The following TGM4 variants were observed in gnomAD, a reference collection of about 807,000 sequenced individuals.
TGM4 encodes protein-glutamine gamma-glutamyltransferase 4.
Under a neutral mutation model 76.3 loss-of-function variants are expected in TGM4, and 61 were observed. The observed-to-expected ratio is 0.80, with a 90% CI of 0.65 to 0.99. The LOEUF (loss-of-function observed/expected upper bound fraction) is 0.99. Ranked by LOEUF, TGM4 falls within the 50% of genes least tolerant of loss-of-function variation. TGM4 has a pLI of 0.00. For missense variants in TGM4, 794 were observed against 843.2 expected, an observed-to-expected ratio of 0.94 and a Z score of 0.72; for synonymous variants, 337 against 329.8, an observed-to-expected ratio of 1.02 and a Z score of -0.24.
chr3:44,898,559 G>T (rs567762950), intron 6 of TGM4, among the ~76,000 whole-genome samples: 3 of 152,334 alleles, frequency 2.0e-5, no homozygotes, highest in African/African-American at 7.2e-5. Context: ...ACTCTCCAAA[G>T]GTCCACTGAG....
At chr3:44,907,820 T>TGG (rs1699945622) in intron 10 of TGM4, among the ~76,000 whole-genome samples, 1 of 152,198 alleles carries the variant, frequency 6.6e-6, no homozygotes, top group South Asian at 2.1e-4. Context: ...CTGACAGATT[T>TGG]GTATTTCCCC....
chr3:44,897,263 C>T (rs988674690), intron 6 of TGM4, among the ~76,000 whole-genome samples: 1 of 152,052 alleles, frequency 6.6e-6, no homozygotes, highest in African/African-American at 2.4e-5. Context: ...CTCGGACTCC[C>T]AAAGTGCTGG....
rs1482264523 is a variant in TGM4, at chr3:44,885,305, A to C, written c.20-20A>C. 1 of 1,590,728 alleles carries C rather than the reference A, an allele frequency of 6.3e-7. No homozygotes were observed. The highest frequency in any genetic ancestry group is 1.7e-5 in the Admixed American group (1 of 59,036). On this transcript the variant is annotated intron_variant, in intron 1 of 13. Coordinates refer to ENST00000296125, the MANE Select transcript of TGM4 (RefSeq NM_003241.4). ...AACATTCTCTGTGCTCTCTTTCCAC[A>C]TGTGCTGCGTTGCTGACAGAGCTGC...
At chr3:44,874,843 C>A in intron 1 of TGM4, 146 bp downstream of exon 1, 1 of 873,910 alleles carries the variant, frequency 1.1e-6, no homozygotes, top group Non-Finnish European at 1.7e-6. Flanking sequence ...CTGTCTCATC[C>A]CTTTTTAGAA....
intron 1 of TGM4, among the ~76,000 whole-genome samples, chr3:44,883,320 G>A (rs914524625): frequency 9.9e-5 from 15 of 152,092 alleles, no homozygotes; most frequent in Admixed American, 2.6e-4. Context: ...AGGTGATAAG[G>A]GCTTCTTCCC....
intron 9 of TGM4, 35 bp from the exon 10 acceptor site, chr3:44,906,914 C>G: frequency 6.2e-7 from 1 of 1,603,660 alleles, no homozygotes; most frequent in East Asian, 2.2e-5. Context: ...GCTGGGGAAC[C>G]CCACTGAGAG....
chr3:44,874,950 T>C (rs1699431279), intron 1 of TGM4, among the ~76,000 whole-genome samples: 1 of 152,264 alleles, frequency 6.6e-6, no homozygotes, highest in Non-Finnish European at 1.5e-5. Flanking sequence ...CCAGATTCCC[T>C]AAATTATTAC....
chr3:44,889,042 G>A (rs1190166566), intron 3 of TGM4: 2 of 151,846 alleles, frequency 1.3e-5, no homozygotes, highest in African/African-American at 2.4e-5. Flanking sequence ...AAGGGGGCCT[G>A]TTATCATTCC....
chr3:44,912,020 G>A (rs937781690), intron 13 of TGM4, among the ~76,000 whole-genome samples: 6 of 152,022 alleles, frequency 3.9e-5, no homozygotes, highest in Admixed American at 6.6e-5. Flanking sequence ...TAGTAGAAAC[G>A]GGGTTTCCCC....
rs1699592196 is a variant in TGM4, at chr3:44,885,473, C to T, written c.168C>T (p.His56=). The change falls in exon 2 of 14, where the codon CAC becomes CAT. Residue 56 remains histidine, a synonymous_variant. Transcript: ENST00000296125. ...TGAACCAGCCCCTACAATCCTACCA[C>T]CAACTGAAACTGGAATTCAGCACAG... ...LVLNQPLQSY[H]QLKLEFSTGP... is the part of the protein sequence containing the mutation. The T allele has an allele frequency of 6.2e-7, 1 of 1,612,008 alleles. No individual in the cohort carries two copies. Among genetic ancestry groups the T allele is most frequent in the Non-Finnish European group, 8.5e-7 (1 of 1,179,236 alleles).
At chr3:44,881,366 T>C (rs34936453) in intron 1 of TGM4, among the ~76,000 whole-genome samples, 4,708 of 152,308 alleles carry the variant, frequency 0.031, 122 homozygotes, top group Non-Finnish European at 0.043. Flanking sequence ...ATTGTATTAG[T>C]TTATTTTCTG....
At chr3:44,877,549 A>G (rs938857312) in intron 1 of TGM4, among the ~76,000 whole-genome samples, 1 of 152,136 alleles carries the variant, frequency 6.6e-6, no homozygotes, top group African/African-American at 2.4e-5. Context: ...CCATGATTGC[A>G]ACACTGCACT....
At position 44,913,727 on chromosome 3, in the gene TGM4, C is replaced by T. The variant is rs1559623168; in HGVS notation, c.*2C>T. ...AAGATTGTTCTCATCACCAAGTAGC[C>T]TTGTCTGATGCTGTGGAGCCTTAGT... On this transcript the variant is annotated 3_prime_UTR_variant, in exon 14 of 14. Transcript: ENST00000296125. 6.2e-7 allele frequency: 1 copy of T among 1,612,538 alleles called. No individual in the cohort carries two copies. Among genetic ancestry groups the T allele is most frequent in the Non-Finnish European group, 8.5e-7 (1 of 1,179,298 alleles).
At chr3:44,876,163 G>A (rs1412027866) in intron 1 of TGM4, among the ~76,000 whole-genome samples, 1 of 152,180 alleles carries the variant, frequency 6.6e-6, no homozygotes, top group Admixed American at 6.5e-5. Flanking sequence ...ACACAAACCC[G>A]GCGTGTGTTC....
At position 44,913,846 on chromosome 3, in the gene TGM4, G is replaced by T; in HGVS notation, c.*121G>T. ...ATGAGGGCAGATTCAAGAGCCAGCA[G>T]GTCAAAAAGGCCAACACAACCATAA... On this transcript the variant is annotated 3_prime_UTR_variant, in exon 14 of 14. Coordinates refer to ENST00000296125, the MANE Select transcript of TGM4 (RefSeq NM_003241.4). 1.4e-6 allele frequency: 2 copies of T among 1,388,436 alleles called. No homozygotes were observed. Among genetic ancestry groups the T allele is most frequent in the Non-Finnish European group, 1.9e-6 (2 of 1,028,908 alleles). The allele number at this position is 1,388,436 out of a possible 1,614,324, so 86.0% of individuals were successfully genotyped here. A position where few individuals can be genotyped will look rare whatever the true frequency, so the allele number is the denominator to read the frequency against.
intron 4 of TGM4, among the ~76,000 whole-genome samples, chr3:44,891,541 A>AC (rs760232167): frequency 0.022 from 2,916 of 134,654 alleles, 48 homozygotes; most frequent in Middle Eastern, 0.072. Flanking sequence ...ACACACACAC[A>AC]AGCTTTTTAT....
chr3:44,885,553 T>C (rs1699594312), intron 2 of TGM4, 55 bp downstream of exon 2: 1 of 1,566,730 alleles, frequency 6.4e-7, no homozygotes, highest in South Asian at 1.2e-5. Context: ...CAAGTGTCTG[T>C]GGATGCTGGA....
rs1209292799 is a variant in TGM4 at position 44,911,106 on chromosome 3, G to C, written c.1755G>C (p.Gln585His). The C allele has an allele frequency of 6.2e-7, 1 of 1,614,176 alleles. No homozygotes were observed. The highest frequency in any genetic ancestry group is 8.5e-7 in the Non-Finnish European group (1 of 1,180,034). Residue 585 changes from glutamine to histidine, a missense_variant, in exon 12 of 14, where the codon CAG becomes CAC. Gln to His is a conservative substitution (Grantham distance 24). Transcript: ENST00000296125. Reference sequence around the variant, plus strand: ...CCTCTGAAGTATTCACGTCTTTCCAGTACCCTGAGTTCTCTATAGAGGTGA... The same window carrying C: ...CCTCTGAAGTATTCACGTCTTTCCACTACCCTGAGTTCTCTATAGAGGTGA... The part of the protein sequence containing the change: ...IMASEVFTSF[Q>H]YPEFSIELPN...
chr3:44,891,323 A>T (rs906200411), intron 4 of TGM4, among the ~76,000 whole-genome samples: 1 of 152,094 alleles, frequency 6.6e-6, no homozygotes, highest in Non-Finnish European at 1.5e-5. Flanking sequence ...TTGAAGTCAA[A>T]AGCCATCAGG....
Sources: allele counts gnomAD v4.1 joint callset (sites outside exome capture counted in the v4.1 genomes callset), GRCh38; gene constraint gnomAD v4.1.1; transcripts MANE v1.5; gene names NCBI Gene and HGNC (gene_info 2026-07-23, HGNC 2026-07-21).